DTNA: variants seen among roughly 807,000 people sequenced by gnomAD.
DTNA encodes dystrobrevin alpha, also known as dystrophin-related protein 3.
In DTNA, 43 loss-of-function variants were observed where a neutral mutation model predicts 100.7. That is an observed-to-expected ratio of 0.43 (90% CI 0.33 to 0.55). The LOEUF (loss-of-function observed/expected upper bound fraction) is 0.55, where lower values mean the gene tolerates loss of function less well. Among genes scored for constraint, DTNA ranks in the 20% least tolerant of loss-of-function variants. The pLI is 0.04. For missense variants in DTNA, 798 were observed against 953.9 expected, an observed-to-expected ratio of 0.84 and a Z score of 2.15; for synonymous variants, 349 against 347.9, an observed-to-expected ratio of 1.00 and a Z score of -0.04.
At chr18:34,618,243 G>C (rs183013193) in intron 1 of DTNA, among the ~76,000 whole-genome samples, 1 of 152,014 alleles carries the variant, frequency 6.6e-6, no homozygotes, top group African/African-American at 2.4e-5. Context: ...AACCATTTTT[G>C]ACATATATGA....
chr18:34,817,646 T>C (rs535678234), intron 7 of DTNA, among the ~76,000 whole-genome samples: 1 of 152,258 alleles, frequency 6.6e-6, no homozygotes, highest in Non-Finnish European at 1.5e-5. Context: ...AGTCACTCTA[T>C]TTTTTAAAAA....
At chr18:34,762,347 G>A (rs1311385501) in intron 2 of DTNA, among the ~76,000 whole-genome samples, 2 of 152,174 alleles carry the variant, frequency 1.3e-5, no homozygotes, top group Admixed American at 6.5e-5. Flanking sequence ...GATTTATGGG[G>A]GATGTCATGA....
At position 34,599,087 on chromosome 18, in the gene DTNA, C is replaced by T. The variant is rs193299595; in HGVS notation, c.-2+105573C>T. ...ACACATTTATTGTGAGGCTTTGATACGCCAACTTCTGAGATTTAGATAAAT... is the reference window on the plus strand; with the variant it reads ...ACACATTTATTGTGAGGCTTTGATATGCCAACTTCTGAGATTTAGATAAAT... On this transcript the variant is annotated intron_variant, in intron 1 of 19. Transcript: ENST00000283365. 2.2e-3 allele frequency among the ~76,000 whole-genome samples: 331 copies of T among 152,212 alleles called. 2 individuals are homozygous for T. The highest frequency in any genetic ancestry group is 7.4e-3 in the African/African-American group (307 of 41,556).
At chr18:34,711,009 A>G (rs2082798246) in intron 1 of DTNA, among the ~76,000 whole-genome samples, 1 of 152,160 alleles carries the variant, frequency 6.6e-6, no homozygotes, top group Non-Finnish European at 1.5e-5. Flanking sequence ...TATATTTTTT[A>G]AAACATCTAT....
intron 1 of DTNA, among the ~76,000 whole-genome samples, chr18:34,739,972 A>G (rs1161153846): frequency 2.0e-5 from 3 of 152,126 alleles, no homozygotes; most frequent in Non-Finnish European, 2.9e-5. Flanking sequence ...CTGACCTTAT[A>G]TAAGAGATAG....
chr18:34,667,372 G>C (rs1360936857), intron 1 of DTNA, among the ~76,000 whole-genome samples: 1 of 152,184 alleles, frequency 6.6e-6, no homozygotes, highest in Non-Finnish European at 1.5e-5. Context: ...TCCGCAAACA[G>C]CGACAATTTG....
At chr18:34,839,492 G>C (rs1387982264) in intron 13 of DTNA, among the ~76,000 whole-genome samples, 1 of 152,144 alleles carries the variant, frequency 6.6e-6, no homozygotes, top group Non-Finnish European at 1.5e-5. Context: ...CATTTTCATT[G>C]TGACATAGGA....
chr18:34,825,832 A>C (rs2095847412), intron 9 of DTNA, among the ~76,000 whole-genome samples: 1 of 152,208 alleles, frequency 6.6e-6, no homozygotes, highest in Non-Finnish European at 1.5e-5. Flanking sequence ...CAAAATCAGA[A>C]GTGTGGGGTC....
At chr18:34,632,419 G>C (rs1388548528) in intron 1 of DTNA, among the ~76,000 whole-genome samples, 1 of 152,160 alleles carries the variant, frequency 6.6e-6, no homozygotes, top group Non-Finnish European at 1.5e-5. Flanking sequence ...GCTGTGCTTT[G>C]TTGTAGGTTT....
At chr18:34,517,260 C>T (rs2041719646) in intron 1 of DTNA, among the ~76,000 whole-genome samples, 1 of 152,110 alleles carries the variant, frequency 6.6e-6, no homozygotes, top group Non-Finnish European at 1.5e-5. Context: ...TCTTAAATGC[C>T]TTCTGTGTTT....
At chr18:34,865,254 C>A (rs1303442684) in intron 17 of DTNA, among the ~76,000 whole-genome samples, 1 of 151,234 alleles carries the variant, frequency 6.6e-6, no homozygotes, top group African/African-American at 2.5e-5. Context: ...CTTTCTTTCT[C>A]TCTTTTTTTT....
At chr18:34,632,570 C>G (rs2058206192) in intron 1 of DTNA, among the ~76,000 whole-genome samples, 1 of 152,194 alleles carries the variant, frequency 6.6e-6, no homozygotes, top group African/African-American at 2.4e-5. Flanking sequence ...GATTTCTCAG[C>G]TGTTTCAGAA....
intron 17 of DTNA, chr18:34,867,595 G>C: frequency 5.8e-6 from 6 of 1,038,258 alleles, no homozygotes; most frequent in Non-Finnish European, 6.9e-6. Flanking sequence ...AAGGAAATAA[G>C]GTTCAATTAT....
chr18:34,705,568 C>A (rs1289779727), upstream of DTNA, among the ~76,000 whole-genome samples: 1 of 152,130 alleles, frequency 6.6e-6, no homozygotes, highest in Non-Finnish European at 1.5e-5. Flanking sequence ...CCTCTTTAAG[C>A]CTCAGATTCC....
At chr18:34,495,114 G>C (rs186257421) in intron 1 of DTNA, among the ~76,000 whole-genome samples, 84 of 152,284 alleles carry the variant, frequency 5.5e-4, no homozygotes, top group Middle Eastern at 3.4e-3. Context: ...TAGGAGTCTA[G>C]TTGGGCTTTT....
chr18:34,811,093 C>T (rs2095477299), intron 5 of DTNA, among the ~76,000 whole-genome samples: 1 of 152,210 alleles, frequency 6.6e-6, no homozygotes, highest in African/African-American at 2.4e-5. Context: ...CTGTGCTGGC[C>T]TGGTGACAAG....
At chr18:34,864,977 T>G (rs2096678698) in intron 17 of DTNA, among the ~76,000 whole-genome samples, 1 of 152,252 alleles carries the variant, frequency 6.6e-6, no homozygotes, top group Non-Finnish European at 1.5e-5. Flanking sequence ...GCATTTAAAG[T>G]CAAAAGCAGG....
At chr18:34,509,209 A>C in intron 1 of DTNA, among the ~76,000 whole-genome samples, 1 of 152,136 alleles carries the variant, frequency 6.6e-6, no homozygotes, top group East Asian at 1.9e-4. Flanking sequence ...AGATTTTTAA[A>C]TGGTATAGCA....
intron 1 of DTNA, among the ~76,000 whole-genome samples, chr18:34,723,998 A>G (rs2085999633): frequency 6.6e-6 from 1 of 152,214 alleles, no homozygotes; most frequent in Non-Finnish European, 1.5e-5. Context: ...TGTGACACCT[A>G]TCAAATGAGT....
Sources: gnomAD v4.1 joint callset for allele counts (sites outside exome capture counted in the v4.1 genomes callset) on GRCh38, gnomAD v4.1.1 for gene constraint, MANE v1.5 for transcripts, NCBI Gene and HGNC (gene_info 2026-07-23, HGNC 2026-07-21) for gene names.